Variants in ANXA13 observed in about 807,000 individuals in gnomAD.
ANXA13 encodes annexin XIII.
ANXA13 carries 36 observed loss-of-function variants against 46.6 expected under a neutral mutation model. The observed-to-expected ratio is 0.77, with a 90% CI of 0.59 to 1.02. The LOEUF is 1.02. ANXA13 is among the 50% of genes least tolerant of loss of function. ANXA13 has a pLI of 0.00. For synonymous variants in ANXA13, 163 were observed against 152.9 expected (o/e 1.07, Z -0.49); for missense variants, 417 against 396.5 (o/e 1.05, Z -0.44).
At chr8:123,684,813 G>A (rs546168899) in intron 9 of ANXA13, 91 bp from the exon 10 acceptor site, 70 of 867,480 alleles carry the variant, frequency 8.1e-5, no homozygotes, top group African/African-American at 4.3e-4. Flanking sequence ...GCTGCCCTTC[G>A]AGCTGACTGG....
chr8:123,701,585 G>A lies in ANXA13; in HGVS notation c.186+1057C>T, dbSNP rs571506707. Reference sequence around the variant, plus strand: ...TATTTTCATCAAAAATTACATTGACGCACCTAATAGTAAGGAGAGAAGCAG... The same window carrying A: ...TATTTTCATCAAAAATTACATTGACACACCTAATAGTAAGGAGAGAAGCAG... On this transcript the variant is annotated intron_variant, in intron 3 of 10. Coordinates refer to ENST00000419625, the MANE Select transcript of ANXA13 (RefSeq NM_004306.4). Among the ~76,000 whole-genome samples the A allele has an allele frequency of 3.3e-5, 5 of 152,280 alleles. No individual in the cohort carries two copies. In the South Asian group the frequency reaches 8.3e-4, roughly 25 times the overall value.
intron 3 of ANXA13, among the ~76,000 whole-genome samples, chr8:123,699,733 A>G (rs986045388): frequency 6.6e-6 from 1 of 152,162 alleles, no homozygotes; most frequent in Non-Finnish European, 1.5e-5. Context: ...AAGGACACAA[A>G]CTATAGCATA....
At chr8:123,712,563 G>A (rs1485153941) in intron 2 of ANXA13, 115 bp downstream of exon 2, 1 of 921,234 alleles carries the variant, frequency 1.1e-6, no homozygotes, top group East Asian at 2.6e-5. Flanking sequence ...ACTTGCGTTA[G>A]CTCGGAATAC....
At chr8:123,693,112 C>G in intron 8 of ANXA13, 85 bp downstream of exon 8, 4 of 1,195,356 alleles carry the variant, frequency 3.3e-6, no homozygotes, top group Non-Finnish European at 4.9e-6. Flanking sequence ...ATCCCCAATT[C>G]CTTATTGCAG....
At chr8:123,727,795 TA>T (rs1814030445) in intron 1 of ANXA13, 1 of 152,122 alleles carries the variant, frequency 6.6e-6, no homozygotes, top group Non-Finnish European at 1.5e-5. Flanking sequence ...CCTCTGGTGG[TA>T]AACGGCACAC....
chr8:123,698,665 G>A, intron 3 of ANXA13, 106 bp from the exon 4 acceptor site: 1 of 1,257,304 alleles, frequency 8.0e-7, no homozygotes, highest in Non-Finnish European at 1.1e-6. Flanking sequence ...AAGGTGCTGT[G>A]GACATGAATT....
At chr8:123,735,044 C>T (rs1169479825) in intron 1 of ANXA13, among the ~76,000 whole-genome samples, 3 of 150,986 alleles carry the variant, frequency 2.0e-5, no homozygotes, top group Middle Eastern at 6.9e-3. Context: ...AAGTCACATA[C>T]CACATCATAT....
chr8:123,710,627 C>CAATGCCTGAAAGTTTAACCGTTTCTCA (rs1813639449), intron 2 of ANXA13, among the ~76,000 whole-genome samples: 1 of 151,844 alleles, frequency 6.6e-6, no homozygotes, highest in Admixed American at 6.6e-5. Context: ...GGACTGCAGC[C>CAATGCCTGAAAGTTTAACCGTTTCTCA]ATGTGGCTGA....
intron 2 of ANXA13, among the ~76,000 whole-genome samples, chr8:123,707,569 A>T (rs1813561570): frequency 6.6e-6 from 1 of 152,208 alleles, no homozygotes; most frequent in Non-Finnish European, 1.5e-5. Flanking sequence ...GCTGGAAATC[A>T]TTATTCTCAG....
At chr8:123,713,322 T>C (rs1416738610) in intron 1 of ANXA13, among the ~76,000 whole-genome samples, 1 of 152,230 alleles carries the variant, frequency 6.6e-6, no homozygotes, top group Non-Finnish European at 1.5e-5. Context: ...TTATATAGTG[T>C]ATTGAGCTGT....
At chr8:123,712,612 A>G in intron 2 of ANXA13, 66 bp downstream of exon 2, 1 of 1,335,328 alleles carries the variant, frequency 7.5e-7, no homozygotes, top group Non-Finnish European at 1.1e-6. Flanking sequence ...CATCATGGGG[A>G]AGTTGGACAT....
At chr8:123,731,213 C>T (rs1021197764) in intron 1 of ANXA13, among the ~76,000 whole-genome samples, 9 of 152,090 alleles carry the variant, frequency 5.9e-5, no homozygotes, top group Non-Finnish European at 1.2e-4. Context: ...ACCAATGATG[C>T]GGGCCTGGGA....
chr8:123,720,765 T>C (rs570548792), intron 1 of ANXA13, among the ~76,000 whole-genome samples: 3 of 151,834 alleles, frequency 2.0e-5, no homozygotes, highest in South Asian at 2.1e-4. Flanking sequence ...AAAATTTTTG[T>C]AGCAAGAGGG....
chr8:123,692,000 C>G (rs1055132097), intron 8 of ANXA13, among the ~76,000 whole-genome samples: 6 of 152,166 alleles, frequency 3.9e-5, no homozygotes, highest in African/African-American at 1.4e-4. Context: ...AACAAGAGAC[C>G]AGGGGAGTGC....
intron 6 of ANXA13, among the ~76,000 whole-genome samples, chr8:123,694,996 G>C (rs1813304451): frequency 6.6e-6 from 1 of 151,976 alleles, no homozygotes; most frequent in Admixed American, 6.5e-5. Flanking sequence ...GTCTCGGGGG[G>C]CTGTGTCCCA....
chr8:123,714,472 A>T (rs957636697), intron 1 of ANXA13, among the ~76,000 whole-genome samples: 1 of 152,192 alleles, frequency 6.6e-6, no homozygotes, highest in Non-Finnish European at 1.5e-5. Flanking sequence ...AGAGAGAAAG[A>T]ATCACATTGT....
chr8:123,702,253 A>AG (rs202113220), intron 3 of ANXA13, among the ~76,000 whole-genome samples: 7 of 92,402 alleles, frequency 7.6e-5, no homozygotes, highest in African/African-American at 1.8e-4. Context: ...AATAAAATGG[A>AG]GAGTTTTTTT....
At chr8:123,697,906 C>T (rs1341993160) in intron 4 of ANXA13, among the ~76,000 whole-genome samples, 2 of 152,212 alleles carry the variant, frequency 1.3e-5, no homozygotes, top group Non-Finnish European at 2.9e-5. Context: ...GGACACACAA[C>T]CCTTCAGGGT....
intron 2 of ANXA13, 68 bp from the exon 3 acceptor site, chr8:123,702,804 A>T: frequency 7.1e-7 from 1 of 1,416,414 alleles, no homozygotes; most frequent in Non-Finnish European, 1.0e-6. Flanking sequence ...ATTTTAGTCC[A>T]GGGTGAGGAA....
Sources: allele counts gnomAD v4.1 joint callset (sites outside exome capture counted in the v4.1 genomes callset), GRCh38; gene constraint gnomAD v4.1.1; transcripts MANE v1.5; gene names NCBI Gene and HGNC (gene_info 2026-07-23, HGNC 2026-07-21).